Variants in SIPA1L2 observed in about 807,000 individuals in gnomAD.
The protein encoded by SIPA1L2 is signal induced proliferation associated 1 like 2.
SIPA1L2 carries 56 observed loss-of-function variants against 163.9 expected under a neutral mutation model. The ratio of observed to expected loss-of-function variants is 0.34; its 90% CI spans 0.28 to 0.43. SIPA1L2 has a LOEUF of 0.43. Ranked by LOEUF, SIPA1L2 falls within the 20% of genes least tolerant of loss-of-function variation. The probability of loss-of-function intolerance (pLI) is 1.00; values close to 1 mark genes in which losing one functional copy is unlikely to be tolerated. For missense variants in SIPA1L2, 1,974 were observed against 2,193.5 expected (o/e 0.90, Z 2.00); for synonymous variants, 877 against 865.7 (o/e 1.01, Z -0.23).
At chr1:232,437,957 T>C (rs1662665527) in intron 15 of SIPA1L2, among the ~76,000 whole-genome samples, 1 of 152,048 alleles carries the variant, frequency 6.6e-6, no homozygotes, top group Non-Finnish European at 1.5e-5. Flanking sequence ...GGCAGTATCA[T>C]TTTGAGACGC....
intron 16 of SIPA1L2, among the ~76,000 whole-genome samples, chr1:232,430,115 G>T (rs1400788878): frequency 6.6e-6 from 1 of 152,216 alleles, no homozygotes; most frequent in Non-Finnish European, 1.5e-5. Flanking sequence ...AAGTTAAGCA[G>T]GACAGGGGGC....
chr1:232,611,591 T>C (rs1662239317), intron 1 of SIPA1L2, among the ~76,000 whole-genome samples: 1 of 152,118 alleles, frequency 6.6e-6, no homozygotes, highest in Non-Finnish European at 1.5e-5. Context: ...ACTAGTGGCA[T>C]TTTACCCTTG....
chr1:232,402,462 G>A lies in SIPA1L2; in HGVS notation c.4952C>T (p.Pro1651Leu). 6.2e-7 allele frequency: 1 copy of A among 1,613,298 alleles called. No homozygotes were observed. ...ATTGACTTTCCCGGTCAGTGGTGAT[G>A]GAGAACGCTCCCTAGCAAATAAGGA... ...EFMDTTGERSPSPLTGKVNQL... is the reference protein window; with the variant it reads ...EFMDTTGERSLSPLTGKVNQL... Residue 1651 changes from proline (P) to leucine (L), a missense_variant, in exon 22 of 23, where the codon CCA becomes CTA. Pro to Leu is a moderately conservative substitution (Grantham distance 98). Around this residue, in one of 3 missense-constraint regions of SIPA1L2, gnomAD observed 1,079 missense variants for 1,150.7 expected, o/e 0.94. Transcript: ENST00000674635.
chr1:232,406,783 T>C (rs1357855386), intron 19 of SIPA1L2, among the ~76,000 whole-genome samples: 2 of 150,446 alleles, frequency 1.3e-5, no homozygotes, highest in Non-Finnish European at 2.9e-5. Context: ...AATAGAACGA[T>C]AGTGCCTGCC....
intron 2 of SIPA1L2, among the ~76,000 whole-genome samples, chr1:232,544,853 A>G (rs1374331436): frequency 6.6e-6 from 1 of 152,180 alleles, no homozygotes; most frequent in Non-Finnish European, 1.5e-5. Context: ...AAAGCTCCGA[A>G]AGCAGATCCC....
At chr1:232,516,039 T>G (rs749235203) in intron 2 of SIPA1L2, among the ~76,000 whole-genome samples, 2 of 152,254 alleles carry the variant, frequency 1.3e-5, no homozygotes, top group Non-Finnish European at 2.9e-5. Flanking sequence ...AACTAGGGAT[T>G]CATGAAGTAT....
chr1:232,513,096 G>C (rs1020992079), intron 3 of SIPA1L2, among the ~76,000 whole-genome samples: 2 of 152,104 alleles, frequency 1.3e-5, no homozygotes, highest in East Asian at 1.9e-4. Flanking sequence ...TGTTTTCCTC[G>C]GCATGTGTTA....
chr1:232,469,126 C>T (rs572733445), intron 8 of SIPA1L2, among the ~76,000 whole-genome samples: 5 of 152,278 alleles, frequency 3.3e-5, no homozygotes, highest in African/African-American at 7.2e-5. Context: ...ACCGCACAGC[C>T]CCTTCTGACA....
chr1:232,514,108 T>C lies in SIPA1L2; in HGVS notation c.1232A>G (p.Tyr411Cys), dbSNP rs907581623. Residue 411 changes from tyrosine (Y) to cysteine (C), a missense_variant, in exon 3 of 23, where the codon TAC becomes TGC. Physicochemically the swap from Tyr to Cys is radical, Grantham distance 194 (BLOSUM62 -2). Coordinates refer to ENST00000674635, the MANE Select transcript of SIPA1L2 (RefSeq NM_020808.5). ...TTCCCCTCCAGTCTCATTTCTAAAG[T>C]AAGGACAACTAAGGACGAGGTCGTT... is the stretch of plus-strand genomic sequence containing the variant. ...KSNDLVLSCP[Y>C]FRNETGGEGD... 6.2e-7 allele frequency: 1 copy of C among 1,614,030 alleles called. No individual in the cohort carries two copies. The highest frequency in any genetic ancestry group is 1.3e-5 in the African/African-American group (1 of 74,916).
chr1:232,619,498 A>G (rs1662685167), intron 1 of SIPA1L2, among the ~76,000 whole-genome samples: 1 of 152,260 alleles, frequency 6.6e-6, no homozygotes, highest in Non-Finnish European at 1.5e-5. Context: ...TAGTGATTAA[A>G]TCATGCCCTC....
chr1:232,415,302 C>T (rs1055755149), intron 19 of SIPA1L2, among the ~76,000 whole-genome samples, 192 bp downstream of exon 19: 1 of 152,192 alleles, frequency 6.6e-6, no homozygotes, highest in Non-Finnish European at 1.5e-5. Context: ...TACTAAATGA[C>T]ATGATCTCCC....
At chr1:232,552,546 T>A (rs1658451951) in intron 2 of SIPA1L2, among the ~76,000 whole-genome samples, 1 of 151,994 alleles carries the variant, frequency 6.6e-6, no homozygotes, top group African/African-American at 2.4e-5. Flanking sequence ...AATTTTGTAT[T>A]TTTTGTAGAG....
At chr1:232,443,054 C>T (rs1662996550) in intron 12 of SIPA1L2, among the ~76,000 whole-genome samples, 1 of 152,188 alleles carries the variant, frequency 6.6e-6, no homozygotes, top group Non-Finnish European at 1.5e-5. Flanking sequence ...GCAGACCACT[C>T]CTCAGGAGCG....
Position 232,471,469 on chromosome 1 carries a change from C to T in SIPA1L2, c.2145G>A (p.Gly715=), listed in dbSNP as rs1461861635. 7.4e-6 allele frequency: 12 copies of T among 1,613,872 alleles called. No individual in the cohort carries two copies. The highest frequency in any genetic ancestry group is 3.3e-5 in the Admixed American group (2 of 59,980). The change falls in exon 8 of 23, where the codon GGG becomes GGA. Residue 715 remains glycine, a synonymous_variant. Coordinates refer to ENST00000674635, the MANE Select transcript of SIPA1L2 (RefSeq NM_020808.5). The stretch of plus-strand genomic sequence containing the variant: ...TGCTTTTTGGAGTAAAAGGAAGTGC[C>T]CCAGGCTCCTGGAAGACGATGGTGA... ...DIVTIVFQEP[G]ALPFTPKSIR... is the part of the protein sequence containing the mutation.
At chr1:232,630,197 G>A (rs903657257), upstream of SIPA1L2, among the ~76,000 whole-genome samples, 1 of 151,610 alleles carries the variant, frequency 6.6e-6, no homozygotes, top group African/African-American at 2.4e-5. Context: ...CCCGCTCTGC[G>A]GGCTCCCATT....
intron 1 of SIPA1L2, among the ~76,000 whole-genome samples, chr1:232,606,454 T>G (rs1233582715): frequency 6.6e-6 from 1 of 152,132 alleles, no homozygotes; most frequent in East Asian, 1.9e-4. Context: ...AGCCGAGAGC[T>G]TTAACGGTAT....
Position 232,415,480 on chromosome 1 carries a change from T to G in SIPA1L2, c.4762+14A>C. On this transcript the variant is annotated intron_variant, in intron 19 of 22. Coordinates refer to ENST00000674635, the MANE Select transcript of SIPA1L2 (RefSeq NM_020808.5). ...CAGGGTAAGGGGTGAGGCCAGAGGC[T>G]GGTGAGTCTTTACCTTCAAATGCCC... is the stretch of plus-strand genomic sequence containing the variant. The G allele has an allele frequency of 2.5e-6, 4 of 1,599,930 alleles. No homozygotes were observed. The highest frequency in any genetic ancestry group is 2.6e-6 in the Non-Finnish European group (3 of 1,173,664).
chr1:232,424,322 CAAAA>C (rs55961523), intron 18 of SIPA1L2, among the ~76,000 whole-genome samples: 1 of 71,774 alleles, frequency 1.4e-5, no homozygotes, highest in Non-Finnish European at 2.6e-5. Context: ...GTGAAGCTAA[CAAAA>C]AAAAAAAAAA....
chr1:232,556,586 CG>C (rs1364781769), intron 2 of SIPA1L2, among the ~76,000 whole-genome samples: 1 of 152,126 alleles, frequency 6.6e-6, no homozygotes, highest in East Asian at 1.9e-4. Flanking sequence ...GTGTGTCATC[CG>C]GGAAAAACAA....
Sources: allele counts gnomAD v4.1 joint callset (sites outside exome capture counted in the v4.1 genomes callset), GRCh38; gene constraint gnomAD v4.1.1; regional missense constraint gnomAD v4.1.1; transcripts MANE v1.5; gene names NCBI Gene and HGNC (gene_info 2026-07-23, HGNC 2026-07-21).